NCAM2: variants seen among roughly 807,000 people sequenced by gnomAD.
NCAM2 encodes N-CAM-2.
A neutral mutation model predicts 98.1 loss-of-function variants in NCAM2; 30 were observed. That is an observed-to-expected ratio of 0.31 (90% confidence interval 0.23 to 0.41). The LOEUF (loss-of-function observed/expected upper bound fraction) is 0.41. Ranked by LOEUF, NCAM2 falls within the 10% of genes least tolerant of loss-of-function variation. The probability of loss-of-function intolerance (pLI) is 1.00; values close to 1 mark genes in which losing one functional copy is unlikely to be tolerated. For missense variants in NCAM2, 867 were observed against 1,005.8 expected (o/e 0.86, Z 1.87); for synonymous variants, 368 against 342.4 (o/e 1.07, Z -0.83).
intron 12 of NCAM2, among the ~76,000 whole-genome samples, chr21:21,443,922 A>G (rs1397922312): frequency 6.6e-6 from 1 of 152,180 alleles, no homozygotes; most frequent in Non-Finnish European, 1.5e-5. Flanking sequence ...TGTACTGGTT[A>G]TCAAAGGGAA....
intron 5 of NCAM2, among the ~76,000 whole-genome samples, chr21:21,307,305 T>G (rs563885888): frequency 6.6e-6 from 1 of 152,292 alleles, no homozygotes. Flanking sequence ...TTTTCAGTCT[T>G]TTTTCAAATG....
chr21:21,448,914 A>T (rs1250649257), intron 12 of NCAM2, among the ~76,000 whole-genome samples: 2 of 152,086 alleles, frequency 1.3e-5, no homozygotes, highest in African/African-American at 4.8e-5. Flanking sequence ...TGTTCATTGC[A>T]CCCATAAAGA....
intron 1 of NCAM2, among the ~76,000 whole-genome samples, chr21:21,036,055 T>A (rs1374404236): frequency 1.3e-5 from 2 of 152,198 alleles, no homozygotes; most frequent in African/African-American, 4.8e-5. Context: ...CTCTTTCTTT[T>A]TGGAGCATTA....
intron 1 of NCAM2, among the ~76,000 whole-genome samples, chr21:21,169,607 A>G (rs968150151): frequency 6.6e-6 from 1 of 152,172 alleles, no homozygotes; most frequent in African/African-American, 2.4e-5. Context: ...GAAAATCAAT[A>G]ACTTGATTAA....
At chr21:21,456,766 CA>C (rs1223041902) in intron 12 of NCAM2, among the ~76,000 whole-genome samples, 2 of 152,040 alleles carry the variant, frequency 1.3e-5, no homozygotes, top group Non-Finnish European at 2.9e-5. Context: ...ATCCTAAGGG[CA>C]AAATGCTCAT....
intron 17 of NCAM2, among the ~76,000 whole-genome samples, chr21:21,537,427 A>AT (rs1990040731): frequency 6.6e-6 from 1 of 152,160 alleles, no homozygotes; most frequent in Non-Finnish European, 1.5e-5. Context: ...CTAATAAATC[A>AT]TATCATTGAC....
intron 1 of NCAM2, among the ~76,000 whole-genome samples, chr21:21,106,389 A>C (rs1348239437): frequency 6.7e-6 from 1 of 150,366 alleles, no homozygotes; most frequent in Admixed American, 6.6e-5. Context: ...TTCTTTCTTT[A>C]GATTTTTCTT....
chr21:21,438,561 A>G (rs532902233), intron 12 of NCAM2, among the ~76,000 whole-genome samples: 1 of 152,318 alleles, frequency 6.6e-6, no homozygotes, highest in Admixed American at 6.5e-5. Context: ...CTATAGAGAT[A>G]TAGAATGTGA....
chr21:21,163,744 G>A (rs1017759673), intron 1 of NCAM2, among the ~76,000 whole-genome samples: 1 of 152,116 alleles, frequency 6.6e-6, no homozygotes, highest in Admixed American at 6.6e-5. Flanking sequence ...TTACTAAAAT[G>A]TTAAAAGAGA....
chr21:21,385,723 T>G, intron 9 of NCAM2: 1 of 1,164,660 alleles, frequency 8.6e-7, no homozygotes, highest in South Asian at 1.3e-5. Flanking sequence ...AAAACAGGCA[T>G]GTGATATACA....
chr21:21,283,527 T>C (rs1601859698), intron 2 of NCAM2, among the ~76,000 whole-genome samples: 1 of 152,056 alleles, frequency 6.6e-6, no homozygotes, highest in Non-Finnish European at 1.5e-5. Context: ...TTTCAATGCA[T>C]TGAAATTATC....
intron 1 of NCAM2, among the ~76,000 whole-genome samples, chr21:21,006,535 G>A (rs1383070321): frequency 3.3e-5 from 5 of 152,010 alleles, no homozygotes; most frequent in African/African-American, 1.2e-4. Flanking sequence ...AACATGTGTC[G>A]ATCCATACAT....
intron 1 of NCAM2, among the ~76,000 whole-genome samples, chr21:21,029,866 G>A (rs971395942): frequency 2.0e-5 from 3 of 152,070 alleles, no homozygotes; most frequent in African/African-American, 4.8e-5. Context: ...TCCTGACCTC[G>A]TGATTCGCCC....
At chr21:21,344,562 A>AG (rs771053530) in intron 8 of NCAM2, among the ~76,000 whole-genome samples, 2 of 152,088 alleles carry the variant, frequency 1.3e-5, no homozygotes, top group Non-Finnish European at 2.9e-5. Context: ...GGGAGGGAAG[A>AG]GGGGGAAGAA....
intron 1 of NCAM2, among the ~76,000 whole-genome samples, chr21:21,053,453 ATTAAT>A (rs1471799424): frequency 6.6e-6 from 1 of 151,864 alleles, no homozygotes; most frequent in Non-Finnish European, 1.5e-5. Context: ...AACTAGTTTA[ATTAAT>A]TTTAAATTCT....
Position 21,005,625 on chromosome 21 carries a change from T to G in NCAM2, c.55+7007T>G, listed in dbSNP as rs545824458. Among the ~76,000 whole-genome samples, 3 of 152,246 alleles carry G rather than the reference T, an allele frequency of 2.0e-5. No homozygotes were observed. In the South Asian group the frequency reaches 6.2e-4, roughly 32 times the overall value. ...CTTTATCTTGTTCTTCCATCCCCAT[T>G]TATACTTTAAATGTTGTGTAGTATA... is the stretch of plus-strand genomic sequence containing the variant. On this transcript the variant is annotated intron_variant, in intron 1 of 17. Coordinates refer to ENST00000400546, the MANE Select transcript of NCAM2 (RefSeq NM_004540.5).
chr21:21,233,306 T>C (rs1207506503), intron 1 of NCAM2, among the ~76,000 whole-genome samples: 1 of 151,732 alleles, frequency 6.6e-6, no homozygotes, highest in African/African-American at 2.4e-5. Context: ...ACCATTCTTC[T>C]GTTTCCCATA....
At chr21:21,462,182 T>C (rs1320276279) in intron 12 of NCAM2, among the ~76,000 whole-genome samples, 4 of 152,054 alleles carry the variant, frequency 2.6e-5, no homozygotes, top group Non-Finnish European at 1.5e-5. Context: ...TAATTTCTCA[T>C]AGCTCTCTGA....
intron 8 of NCAM2, among the ~76,000 whole-genome samples, chr21:21,346,062 A>G (rs762586080): frequency 4.4e-4 from 67 of 152,088 alleles, no homozygotes; most frequent in Non-Finnish European, 8.5e-4. Context: ...CATTGAATAT[A>G]AATGGACTAA....
Sources: allele counts gnomAD v4.1 joint callset (sites outside exome capture counted in the v4.1 genomes callset), GRCh38; gene constraint gnomAD v4.1.1; transcripts MANE v1.5; gene names NCBI Gene and HGNC (gene_info 2026-07-23, HGNC 2026-07-21).